The following PTPRD variants were observed in gnomAD, a reference collection of about 807,000 sequenced individuals.
The protein encoded by PTPRD is receptor-type tyrosine-protein phosphatase delta.
Under a neutral mutation model 214.5 loss-of-function variants are expected in PTPRD, and 34 were observed. The observed-to-expected ratio is 0.16, with a 90% CI of 0.12 to 0.21. The LOEUF is 0.21. Ranked by LOEUF, PTPRD falls within the 10% of genes least tolerant of loss-of-function variation. The pLI, the probability that PTPRD is intolerant of heterozygous loss-of-function variation, is 1.00. For missense variants in PTPRD, 2,545 were observed against 2,398.7 expected, an observed-to-expected ratio of 1.06 and a Z score of -1.27; for synonymous variants, 1,128 against 845.7, an observed-to-expected ratio of 1.33 and a Z score of -5.79.
At chr9:9,234,739 G>A (rs996720470) in intron 9 of PTPRD, among the ~76,000 whole-genome samples, 1 of 152,104 alleles carries the variant, frequency 6.6e-6, no homozygotes, top group Non-Finnish European at 1.5e-5. Context: ...CCTTTATTCA[G>A]TTCCCAAAAA....
intron 6 of PTPRD, among the ~76,000 whole-genome samples, chr9:9,763,045 G>C (rs1416804938): frequency 6.6e-6 from 1 of 152,202 alleles, no homozygotes; most frequent in African/African-American, 2.4e-5. Flanking sequence ...GGGAAAGAGA[G>C]AGCGATCTCT....
chr9:9,456,317 G>C (rs112536116), intron 8 of PTPRD, among the ~76,000 whole-genome samples: 6 of 151,844 alleles, frequency 4.0e-5, no homozygotes, highest in African/African-American at 1.4e-4. Flanking sequence ...ATGTCTAAAT[G>C]CTTCCAGGTA....
chr9:10,230,443 T>TCTAA (rs1554901154), intron 3 of PTPRD, among the ~76,000 whole-genome samples: 5 of 135,512 alleles, frequency 3.7e-5, no homozygotes, highest in Non-Finnish European at 8.4e-5. Flanking sequence ...TATGTATCTA[T>TCTAA]CTATCTATCT....
chr9:9,121,109 G>T (rs1406501492), intron 10 of PTPRD, among the ~76,000 whole-genome samples: 2 of 152,146 alleles, frequency 1.3e-5, no homozygotes, highest in Non-Finnish European at 2.9e-5. Context: ...TGAAAGTCAG[G>T]ATAATTTCTC....
chr9:10,606,381 T>C (rs941980830), intron 2 of PTPRD, among the ~76,000 whole-genome samples: 1 of 151,800 alleles, frequency 6.6e-6, no homozygotes, highest in Non-Finnish European at 1.5e-5. Flanking sequence ...ACTTTGATTA[T>C]AAAGATTTGA....
intron 7 of PTPRD, among the ~76,000 whole-genome samples, chr9:9,624,493 G>T (rs2095355743): frequency 6.6e-6 from 1 of 151,620 alleles, no homozygotes; most frequent in African/African-American, 2.4e-5. Context: ...TTGCCATGTT[G>T]GCCAGGCTGG....
chr9:10,361,174 G>C (rs979497381), intron 2 of PTPRD, among the ~76,000 whole-genome samples: 1 of 152,166 alleles, frequency 6.6e-6, no homozygotes, highest in Admixed American at 6.5e-5. Context: ...GTATTGAGAA[G>C]ATTGGCATTG....
intron 9 of PTPRD, among the ~76,000 whole-genome samples, chr9:9,389,475 A>G (rs2065057929): frequency 6.6e-6 from 1 of 152,130 alleles, no homozygotes; most frequent in Non-Finnish European, 1.5e-5. Flanking sequence ...GTGCCATTGC[A>G]CTCCAGCTTG....
intron 3 of PTPRD, among the ~76,000 whole-genome samples, chr9:10,051,994 G>C (rs1054509170): frequency 1.3e-5 from 2 of 151,976 alleles, no homozygotes; most frequent in Admixed American, 1.3e-4. Flanking sequence ...ACCCAGGCTG[G>C]AGTACAGTGT....
intron 5 of PTPRD, among the ~76,000 whole-genome samples, chr9:9,861,875 A>G (rs2062853941): frequency 6.6e-6 from 1 of 152,152 alleles, no homozygotes; most frequent in South Asian, 2.1e-4. Context: ...CCCCTGCATC[A>G]TATTTACCTT....
chr9:10,279,285 C>G (rs547829242), intron 3 of PTPRD, among the ~76,000 whole-genome samples: 1 of 152,232 alleles, frequency 6.6e-6, no homozygotes, highest in East Asian at 1.9e-4. Flanking sequence ...AGGAAAAAAT[C>G]AGATATCACC....
At chr9:9,221,655 C>T (rs536544329) in intron 9 of PTPRD, among the ~76,000 whole-genome samples, 1 of 152,030 alleles carries the variant, frequency 6.6e-6, no homozygotes, top group South Asian at 2.1e-4. Flanking sequence ...ACTCTTATGA[C>T]CTTATTTAAA....
At chr9:10,601,763 A>G (rs1460309363) in intron 2 of PTPRD, among the ~76,000 whole-genome samples, 6 of 151,804 alleles carry the variant, frequency 4.0e-5, no homozygotes, top group Admixed American at 3.9e-4. Flanking sequence ...ACTCTAGCTC[A>G]TAACAAACAG....
At chr9:9,010,389 C>G (rs1337024495) in intron 11 of PTPRD, among the ~76,000 whole-genome samples, 4 of 152,164 alleles carry the variant, frequency 2.6e-5, no homozygotes, top group East Asian at 3.9e-4. Context: ...CACCTTTTAT[C>G]CCCCTGCTCT....
chr9:9,613,133 TAC>T (rs1374818232), intron 7 of PTPRD, among the ~76,000 whole-genome samples: 2,311 of 54,558 alleles, frequency 0.042, 50 homozygotes, highest in Middle Eastern at 0.064. Context: ...TATACATACA[TAC>T]ATATATATAT....
intron 2 of PTPRD, among the ~76,000 whole-genome samples, chr9:10,481,852 T>G (rs75551969): frequency 0.054 from 8,177 of 151,988 alleles, 705 homozygotes; most frequent in African/African-American, 0.18. Flanking sequence ...TTAAGAGAGG[T>G]AGAGGACAAC....
chr9:10,047,868 G>A (rs1182509459), intron 3 of PTPRD, among the ~76,000 whole-genome samples: 1 of 152,108 alleles, frequency 6.6e-6, no homozygotes, highest in African/African-American at 2.4e-5. Flanking sequence ...TGGGCTAATA[G>A]AGGTAAAAAG....
In PTPRD at chr9:10,559,695, C is replaced by T. The variant is rs189335497; in HGVS notation, c.-600+52703G>A. Among the ~76,000 whole-genome samples the T allele has an allele frequency of 4.4e-3, 671 of 152,182 alleles. 5 individuals carry two copies. Among genetic ancestry groups the T allele is most frequent in the Middle Eastern group, 0.027 (8 of 294 alleles). On this transcript the variant is annotated intron_variant, in intron 2 of 45. Transcript: ENST00000381196. ...GCTAATATCCAGAATCTACAATGAA[C>T]TCAAACAAATTCAGAAGAAAAAAAC...
At chr9:9,762,284 C>G (rs887409591) in intron 6 of PTPRD, among the ~76,000 whole-genome samples, 13 of 152,226 alleles carry the variant, frequency 8.5e-5, no homozygotes, top group African/African-American at 2.9e-4. Flanking sequence ...CCATCTTTGT[C>G]CCTTCAGTAA....
Sources: gnomAD v4.1 joint callset for allele counts (sites outside exome capture counted in the v4.1 genomes callset) on GRCh38, gnomAD v4.1.1 for gene constraint, MANE v1.5 for transcripts, NCBI Gene and HGNC (gene_info 2026-07-23, HGNC 2026-07-21) for gene names.